The following SMG6 variants were observed in gnomAD, a reference collection of about 807,000 sequenced individuals.
SMG6 encodes SMG6 nonsense mediated mRNA decay factor.
A neutral mutation model predicts 142.2 loss-of-function variants in SMG6; 66 were observed. The observed-to-expected ratio is 0.46, with a 90% confidence interval of 0.38 to 0.57. The LOEUF is 0.57. Ranked by LOEUF, SMG6 falls within the 20% of genes least tolerant of loss-of-function variation. The pLI is 0.00. For missense variants in SMG6, 1,793 were observed against 1,832.0 expected, an observed-to-expected ratio of 0.98 and a Z score of 0.39; for synonymous variants, 779 against 702.4, an observed-to-expected ratio of 1.11 and a Z score of -1.72.
At chr17:2,136,032 GTGTGTC>G (rs1402888358) in intron 13 of SMG6, among the ~76,000 whole-genome samples, 9 of 137,894 alleles carry the variant, frequency 6.5e-5, no homozygotes, top group Non-Finnish European at 9.5e-5. Flanking sequence ...GTGTGTGTGT[GTGTGTC>G]TGTGTGTGTA....
At chr17:2,217,751 C>T (rs2073057441) in intron 10 of SMG6, among the ~76,000 whole-genome samples, 1 of 152,138 alleles carries the variant, frequency 6.6e-6, no homozygotes, top group African/African-American at 2.4e-5. Context: ...TGGCTCACGC[C>T]TGCAATCCTG....
chr17:2,113,650 G>A (rs958783911), intron 13 of SMG6, among the ~76,000 whole-genome samples: 16 of 152,182 alleles, frequency 1.1e-4, no homozygotes, highest in African/African-American at 3.9e-4. Context: ...AAAACCCATG[G>A]CCTCAAAACC....
chr17:2,232,400 G>T lies in SMG6; in HGVS notation c.2869+4092C>A, dbSNP rs144951367. Among the ~76,000 whole-genome samples, 504 of 152,264 alleles carry T rather than the reference G, an allele frequency of 3.3e-3. 1 individual carries two copies. The highest frequency in any genetic ancestry group is 0.011 in the African/African-American group (477 of 41,550). The stretch of plus-strand genomic sequence containing the variant: ...CAGGAATGCCTTAGAGAGATTATCA[G>T]TTATGACATCACTCTGGGAACCACC... On this transcript the variant is annotated intron_variant, in intron 10 of 18. Coordinates refer to ENST00000263073, the MANE Select transcript of SMG6 (RefSeq NM_017575.5).
At chr17:2,236,422 A>G in intron 10 of SMG6, 70 bp downstream of exon 10, 1 of 1,514,276 alleles carries the variant, frequency 6.6e-7, no homozygotes, top group Non-Finnish European at 9.0e-7. Context: ...TAGGTATGGT[A>G]ACACAAGAAA....
In SMG6 at chr17:2,085,549, G is replaced by A. The variant is rs775280807; in HGVS notation, c.3534+176C>T. 3.3e-5 allele frequency among the ~76,000 whole-genome samples: 5 copies of A among 152,164 alleles called. No individual in the cohort carries two copies. The highest frequency in any genetic ancestry group is 7.2e-5 in the African/African-American group (3 of 41,426). ...CGTAGTGGAGTAGGATGGAGGCACC[G>A]GGGTGGACTGGCAGGAAGGGGCACC... On this transcript the variant is annotated intron_variant, in intron 14 of 18. Transcript: ENST00000263073. The surrounding 1 kb of genome is among the most constrained non-coding windows in gnomAD (Gnocchi z 4.1).
At chr17:2,218,122 A>C (rs748714875) in intron 10 of SMG6, among the ~76,000 whole-genome samples, 3 of 152,196 alleles carry the variant, frequency 2.0e-5, no homozygotes, top group Non-Finnish European at 2.9e-5. Flanking sequence ...CTGAGCCCCC[A>C]CAGACAGCCT....
At chr17:2,197,765 T>TAAA (rs1404666361) in intron 10 of SMG6, among the ~76,000 whole-genome samples, 1 of 151,748 alleles carries the variant, frequency 6.6e-6, no homozygotes, top group Admixed American at 6.6e-5. Context: ...AAATGGAAAA[T>TAAA]AAAACTACAG....
Position 2,087,254 on chromosome 17 carries a change from C to T in SMG6, c.3358-1353G>A. ...AGACGGACAGCCCAGGGAAGCTCGGCTGGGTACCACAGAGAGCAGATGAAG... is the reference window on the plus strand; with the variant it reads ...AGACGGACAGCCCAGGGAAGCTCGGTTGGGTACCACAGAGAGCAGATGAAG... On this transcript the variant is annotated intron_variant, in intron 13 of 18. Coordinates refer to ENST00000263073, the MANE Select transcript of SMG6 (RefSeq NM_017575.5). 6.2e-6 allele frequency: 8 copies of T among 1,286,990 alleles called. No homozygotes were observed. The South Asian group carries it at 9.9e-5, about 16-fold the overall frequency. The allele number at this position is 1,286,990 out of a possible 1,614,324, so 79.7% of individuals were successfully genotyped here. A position where few individuals can be genotyped will look rare whatever the true frequency, so the allele number is the denominator to read the frequency against.
At chr17:2,222,868 C>T (rs572556652) in intron 10 of SMG6, among the ~76,000 whole-genome samples, 14 of 152,234 alleles carry the variant, frequency 9.2e-5, no homozygotes, top group Non-Finnish European at 1.5e-4. Context: ...TGGCCTACAA[C>T]TGTATCCCTA....
intron 13 of SMG6, among the ~76,000 whole-genome samples, chr17:2,152,933 T>C (rs908461188): frequency 6.6e-6 from 1 of 152,162 alleles, no homozygotes; most frequent in Non-Finnish European, 1.5e-5. Context: ...AGCCCAAATG[T>C]TCAACTGGTG....
chr17:2,140,533 G>T (rs1347433882), intron 13 of SMG6, among the ~76,000 whole-genome samples: 1 of 152,034 alleles, frequency 6.6e-6, no homozygotes, highest in African/African-American at 2.4e-5. Context: ...TCAGCCGGGT[G>T]TGGTAGCACG....
At chr17:2,222,546 G>A (rs887218967) in intron 10 of SMG6, among the ~76,000 whole-genome samples, 24 of 37,368 alleles carry the variant, frequency 6.4e-4, no homozygotes, top group South Asian at 1.8e-3. Context: ...GGCAATGCGG[G>A]GGCGGGGGGG....
chr17:2,214,070 T>TG (rs1381218962), intron 10 of SMG6: 3 of 152,276 alleles, frequency 2.0e-5, no homozygotes, highest in Non-Finnish European at 4.4e-5. Context: ...CTAGAGTCAC[T>TG]AGCAGGAACA....
chr17:2,266,782 T>C (rs1216004876), intron 8 of SMG6, among the ~76,000 whole-genome samples: 1 of 152,194 alleles, frequency 6.6e-6, no homozygotes. Flanking sequence ...CTGATGTACT[T>C]TGAGAAACTT....
chr17:2,264,220 C>T (rs1314715957), intron 8 of SMG6, among the ~76,000 whole-genome samples: 6 of 152,202 alleles, frequency 3.9e-5, no homozygotes, highest in Admixed American at 6.5e-5. Context: ...TACCCCCTCA[C>T]GTACATTCCA....
intron 1 of SMG6, chr17:2,303,304 C>T: frequency 8.9e-7 from 1 of 1,124,326 alleles, no homozygotes; most frequent in Non-Finnish European, 1.1e-6. Flanking sequence ...CCAGACCCCA[C>T]TCCTTTCCGC....
Position 2,172,868 on chromosome 17 carries a change from A to C in SMG6, c.3156-9T>G. On this transcript the variant is annotated splice_polypyrimidine_tract_variant and intron_variant, in intron 12 of 18. Transcript: ENST00000263073. Reference sequence around the variant, plus strand: ...ATACATCCACAGCAACACTGTGAGAAATAAGGTAAGAAAAGAGCAGCTCTA... The same window carrying C: ...ATACATCCACAGCAACACTGTGAGACATAAGGTAAGAAAAGAGCAGCTCTA... 1 of 1,613,618 alleles carries C rather than the reference A, an allele frequency of 6.2e-7. No individual in the cohort carries two copies. The highest frequency in any genetic ancestry group is 8.5e-7 in the Non-Finnish European group (1 of 1,179,504).
chr17:2,184,133 G>A (rs1360557199), intron 12 of SMG6, among the ~76,000 whole-genome samples: 1 of 152,112 alleles, frequency 6.6e-6, no homozygotes, highest in South Asian at 2.1e-4. Flanking sequence ...AGGCTGAGGC[G>A]GGTGGACCAC....
Position 2,075,716 on chromosome 17 carries a change from A to C in SMG6, c.3681+6094T>G, listed in dbSNP as rs374828491. Among the ~76,000 whole-genome samples the C allele has an allele frequency of 3.0e-4, 46 of 152,354 alleles. 2 individuals carry two copies. In the South Asian group the frequency reaches 9.3e-3, roughly 31 times the overall value. ...ACAACTCCAAATGGCAATGGGAACA[A>C]AAAGAACTCAGGAGAAAAGCAGCAA... On this transcript the variant is annotated intron_variant, in intron 15 of 18. Transcript: ENST00000263073.
Sources: allele counts gnomAD v4.1 joint callset (sites outside exome capture counted in the v4.1 genomes callset), GRCh38; gene constraint gnomAD v4.1.1; non-coding constraint Gnocchi (gnomAD v3.1); transcripts MANE v1.5; gene names NCBI Gene and HGNC (gene_info 2026-07-23, HGNC 2026-07-21).